ABCB4: variants seen among roughly 807,000 people sequenced by gnomAD.
ABCB4 encodes ATP binding cassette subfamily B member 4, also known as phosphatidylcholine translocator ABCB4.
ABCB4 carries 76 observed loss-of-function variants against 145.7 expected under a neutral mutation model. That is an observed-to-expected ratio of 0.52 (90% CI 0.43 to 0.63). The LOEUF (loss-of-function observed/expected upper bound fraction) is 0.63, where lower values mean the gene tolerates loss of function less well. ABCB4 is among the 30% of genes least tolerant of loss of function. ABCB4 has a pLI of 0.00. For synonymous variants in ABCB4, 517 were observed against 566.8 expected (o/e 0.91, Z 1.25); for missense variants, 1,234 against 1,553.1 (o/e 0.79, Z 3.45).
the ABCB4 span, chr7:87,382,571 C>A: frequency 5.0e-6 from 8 of 1,600,692 alleles, no homozygotes; most frequent in Admixed American, 1.2e-4. Flanking sequence ...TCTATTTTCA[C>A]AGTCTTGAAG....
At chr7:87,377,438 C>T in the ABCB4 span, 8 of 1,600,798 alleles carry the variant, frequency 5.0e-6, no homozygotes, top group Non-Finnish European at 6.8e-6. Flanking sequence ...GAGTATTTGG[C>T]TGTAATTGTG....
At chr7:87,439,232 C>T (rs930956540) in intron 14 of ABCB4, among the ~76,000 whole-genome samples, 9 of 152,054 alleles carry the variant, frequency 5.9e-5, no homozygotes, top group African/African-American at 1.9e-4. Context: ...AACTTTATTT[C>T]CAGAAAAGCA....
At chr7:87,423,449 T>C (rs1809586609) in intron 17 of ABCB4, 1 of 207,078 alleles carries the variant, frequency 4.8e-6, no homozygotes, top group African/African-American at 2.3e-5. Context: ...TGTTATGAGG[T>C]AGATTTATTG....
At chr7:87,438,540 G>A (rs921445531) in intron 14 of ABCB4, among the ~76,000 whole-genome samples, 3 of 152,144 alleles carry the variant, frequency 2.0e-5, no homozygotes, top group Non-Finnish European at 4.4e-5. Context: ...CTTGAACTCA[G>A]GAGTTTGAGA....
the ABCB4 span, among the ~76,000 whole-genome samples, chr7:87,371,513 A>C: frequency 6.6e-6 from 1 of 152,132 alleles, no homozygotes; most frequent in East Asian, 1.9e-4. Context: ...CCCTTTTTGT[A>C]TTTGGATAAA....
At chr7:87,468,460 G>A (rs368488044) in intron 3 of ABCB4, among the ~76,000 whole-genome samples, 2 of 152,272 alleles carry the variant, frequency 1.3e-5, no homozygotes, top group East Asian at 3.9e-4. Flanking sequence ...GAGGTACAAG[G>A]AGGAACTGGT....
In ABCB4 at chr7:87,406,399, G is replaced by A; in HGVS notation, c.3375C>T (p.Ser1125=). The part of the protein sequence containing the change: ...VSQEPILFDC[S]IAENIAYGDN... ...CTCCATAGGCAATATTCTCGGCAAT[G>A]CTGCAGTCAAATAGGATAGGCTCCT... is the stretch of plus-strand genomic sequence containing the variant. The change falls in exon 26 of 28, where the codon AGC becomes AGT. Residue 1125 remains serine, a synonymous_variant. Coordinates refer to ENST00000649586, the MANE Select transcript of ABCB4 (RefSeq NM_000443.4). 6.2e-7 allele frequency: 1 copy of A among 1,614,062 alleles called. No individual in the cohort carries two copies.
the ABCB4 span, among the ~76,000 whole-genome samples, chr7:87,384,570 A>G: frequency 6.6e-6 from 1 of 152,214 alleles, no homozygotes; most frequent in Non-Finnish European, 1.5e-5. Flanking sequence ...TTTAGATCAG[A>G]TAAATTTGTG....
the ABCB4 span, among the ~76,000 whole-genome samples, chr7:87,396,323 G>A: frequency 6.6e-6 from 1 of 152,144 alleles, no homozygotes; most frequent in Admixed American, 6.5e-5. Flanking sequence ...TTAACAGAAG[G>A]TGACTTGAAG....
chr7:87,396,286 G>A, the ABCB4 span, among the ~76,000 whole-genome samples: 4 of 152,040 alleles, frequency 2.6e-5, no homozygotes, highest in Non-Finnish European at 5.9e-5. Context: ...GAAAAATCAC[G>A]CACTAATAGT....
chr7:87,424,229 A>G (rs1042718438), intron 16 of ABCB4, among the ~76,000 whole-genome samples, 177 bp from the exon 17 acceptor site: 2 of 152,208 alleles, frequency 1.3e-5, no homozygotes, highest in Non-Finnish European at 1.5e-5. Flanking sequence ...ATGTTTACTG[A>G]TTACACATCA....
chr7:87,452,662 G>A (rs1811823716), intron 6 of ABCB4: 1 of 491,238 alleles, frequency 2.0e-6, no homozygotes, highest in African/African-American at 1.9e-5. Flanking sequence ...TTTACTGACA[G>A]TCTAGCACCT....
chr7:87,398,648 T>G (rs747191003), downstream of ABCB4: 3 of 1,612,562 alleles, frequency 1.9e-6, no homozygotes, highest in Admixed American at 5.0e-5. Flanking sequence ...TCTTTAGAGA[T>G]GAATCATCTA....
rs1439050361 is a variant in ABCB4 at position 87,449,948 on chromosome 7, G to A, written c.833+20C>T. On this transcript the variant is annotated intron_variant, in intron 8 of 27. Coordinates refer to ENST00000649586, the MANE Select transcript of ABCB4 (RefSeq NM_000443.4). The stretch of plus-strand genomic sequence containing the variant: ...GTAAAAACACATTCCTTAAACCAGT[G>A]GCTAAAGAACCTTCCTGACCTTTCC... The A allele has an allele frequency of 6.2e-7, 1 of 1,614,058 alleles. No homozygotes were observed. The highest frequency in any genetic ancestry group is 8.5e-7 in the Non-Finnish European group (1 of 1,179,968).
At chr7:87,419,281 T>C (rs1025338968) in intron 19 of ABCB4, among the ~76,000 whole-genome samples, 1 of 152,256 alleles carries the variant, frequency 6.6e-6, no homozygotes, top group South Asian at 2.1e-4. Flanking sequence ...CTACCTACTA[T>C]GTGCCCATTT....
At chr7:87,381,884 A>G in the ABCB4 span, 1 of 1,512,298 alleles carries the variant, frequency 6.6e-7, no homozygotes, top group Non-Finnish European at 9.1e-7. Context: ...TAAAGTATTC[A>G]GAAATCTTGT....
chr7:87,453,760 T>G (rs1285326471), intron 5 of ABCB4, among the ~76,000 whole-genome samples: 3 of 152,202 alleles, frequency 2.0e-5, no homozygotes, highest in Non-Finnish European at 4.4e-5. Context: ...AACTCCTCTT[T>G]AATAATTATA....
chr7:87,433,677 T>TTTTG (rs1554404997), intron 14 of ABCB4, among the ~76,000 whole-genome samples: 3 of 145,844 alleles, frequency 2.1e-5, no homozygotes, highest in Non-Finnish European at 4.5e-5. Flanking sequence ...TTGTTGTTGT[T>TTTTG]TTTTTTTTTT....
downstream of ABCB4, among the ~76,000 whole-genome samples, chr7:87,396,735 G>A (rs918916327): frequency 6.6e-6 from 1 of 151,154 alleles, no homozygotes. Flanking sequence ...TAAGAACAAA[G>A]TTATCTACAT....
Sources: gnomAD v4.1 joint callset for allele counts (sites outside exome capture counted in the v4.1 genomes callset) on GRCh38, gnomAD v4.1.1 for gene constraint, MANE v1.5 for transcripts, NCBI Gene and HGNC (gene_info 2026-07-23, HGNC 2026-07-21) for gene names.